Variants in TAFA1 observed in about 807,000 individuals in gnomAD.
TAFA1 encodes chemokine-like protein TAFA-1.
Under a neutral mutation model 18.5 loss-of-function variants are expected in TAFA1, and 4 were observed. The observed-to-expected ratio is 0.22, with a 90% CI of 0.11 to 0.49. The LOEUF is 0.49. TAFA1 is among the 20% of genes least tolerant of loss of function. TAFA1 has a pLI of 0.98. For missense variants in TAFA1, 147 were observed against 169.0 expected (o/e 0.87, Z 0.72); for synonymous variants, 56 against 55.2 (o/e 1.01, Z -0.06).
At chr3:68,443,435 C>G (rs1006666346) in intron 3 of TAFA1, among the ~76,000 whole-genome samples, 16 of 142,534 alleles carry the variant, frequency 1.1e-4, no homozygotes, top group African/African-American at 4.0e-4. Context: ...TTTGTTTTCA[C>G]GCTGCTGATA....
At chr3:68,305,226 TG>T (rs2068381868) in intron 2 of TAFA1, among the ~76,000 whole-genome samples, 1 of 144,120 alleles carries the variant, frequency 6.9e-6, no homozygotes, top group Non-Finnish European at 1.5e-5. Flanking sequence ...TTTTCCCATA[TG>T]TTTTTTTTCC....
intron 3 of TAFA1, among the ~76,000 whole-genome samples, chr3:68,437,323 G>T (rs929184944): frequency 6.6e-6 from 1 of 152,164 alleles, no homozygotes; most frequent in Non-Finnish European, 1.5e-5. Context: ...TCTACATAAA[G>T]AGAATATAGT....
intron 2 of TAFA1, among the ~76,000 whole-genome samples, chr3:68,181,093 A>G (rs955811231): frequency 7.2e-5 from 11 of 152,226 alleles, no homozygotes; most frequent in African/African-American, 2.2e-4. Context: ...CCAACAAACT[A>G]CAAGGAACTG....
intron 2 of TAFA1, among the ~76,000 whole-genome samples, chr3:68,227,097 A>G (rs2066810416): frequency 6.6e-6 from 1 of 152,224 alleles, no homozygotes; most frequent in Non-Finnish European, 1.5e-5. Flanking sequence ...CCAAGAGTCA[A>G]GCAGTCATTG....
At chr3:68,276,993 C>T (rs956550936) in intron 2 of TAFA1, among the ~76,000 whole-genome samples, 8 of 151,964 alleles carry the variant, frequency 5.3e-5, no homozygotes, top group African/African-American at 1.9e-4. Flanking sequence ...CATCTATAAT[C>T]CCACAATTGA....
At chr3:68,116,475 C>T (rs532427546) in intron 2 of TAFA1, among the ~76,000 whole-genome samples, 82 of 152,250 alleles carry the variant, frequency 5.4e-4, no homozygotes, top group Non-Finnish European at 1.1e-3. Flanking sequence ...ATTCATTCAA[C>T]TTCGCTATTT....
At chr3:68,383,961 G>A (rs971263116) in intron 2 of TAFA1, among the ~76,000 whole-genome samples, 1 of 151,942 alleles carries the variant, frequency 6.6e-6, no homozygotes, top group Non-Finnish European at 1.5e-5. Flanking sequence ...TAGTTTATGT[G>A]CATAGAGGTA....
At chr3:68,184,068 A>AG (rs2066240161) in intron 2 of TAFA1, among the ~76,000 whole-genome samples, 1 of 152,164 alleles carries the variant, frequency 6.6e-6, no homozygotes, top group Admixed American at 6.5e-5. Context: ...ACTAACATTA[A>AG]GCTGCTTTTC....
chr3:68,246,028 T>A (rs781148761), intron 2 of TAFA1, among the ~76,000 whole-genome samples: 1 of 152,142 alleles, frequency 6.6e-6, no homozygotes, highest in Non-Finnish European at 1.5e-5. Flanking sequence ...GTGTGTTTTG[T>A]TCCCTGCTCT....
At chr3:68,212,016 A>G (rs1365846543) in intron 2 of TAFA1, among the ~76,000 whole-genome samples, 1 of 152,052 alleles carries the variant, frequency 6.6e-6, no homozygotes, top group Non-Finnish European at 1.5e-5. Context: ...ATAGACTGCC[A>G]TGAGCTTCAT....
chr3:68,426,563 T>C (rs2071058119), intron 3 of TAFA1, among the ~76,000 whole-genome samples: 1 of 151,884 alleles, frequency 6.6e-6, no homozygotes, highest in African/African-American at 2.4e-5. Context: ...TGAACTACAG[T>C]GTTTCATCAA....
chr3:68,532,517 A>G (rs2073206085), intron 3 of TAFA1, among the ~76,000 whole-genome samples: 1 of 152,140 alleles, frequency 6.6e-6, no homozygotes. Flanking sequence ...TTAGATACAA[A>G]TCATCCCCAA....
At chr3:68,335,047 A>G (rs1367993028) in intron 2 of TAFA1, among the ~76,000 whole-genome samples, 1 of 152,190 alleles carries the variant, frequency 6.6e-6, no homozygotes, top group Non-Finnish European at 1.5e-5. Flanking sequence ...TGTCAAGGTG[A>G]TTGTGCATGG....
intron 2 of TAFA1, among the ~76,000 whole-genome samples, chr3:68,136,459 A>G (rs570723963): frequency 2.2e-4 from 33 of 152,294 alleles, no homozygotes; most frequent in Non-Finnish European, 3.7e-4. Context: ...TATTTATATT[A>G]GTGGGGACAG....
intron 2 of TAFA1, among the ~76,000 whole-genome samples, chr3:68,220,879 A>G (rs1175848192): frequency 6.6e-6 from 1 of 152,050 alleles, no homozygotes; most frequent in African/African-American, 2.4e-5. Context: ...TCCCTATCAG[A>G]CTCATCCTCA....
chr3:68,082,642 G>T (rs2064919652), intron 2 of TAFA1, among the ~76,000 whole-genome samples: 1 of 152,184 alleles, frequency 6.6e-6, no homozygotes, highest in African/African-American at 2.4e-5. Flanking sequence ...TGCTGTTGCT[G>T]TTGATCATGA....
chr3:68,348,118 C>G (rs550266092), intron 2 of TAFA1, among the ~76,000 whole-genome samples: 1 of 152,118 alleles, frequency 6.6e-6, no homozygotes, highest in African/African-American at 2.4e-5. Context: ...GTGCCACCCA[C>G]GGGAGCTTTT....
chr3:68,063,199 G>A (rs1257571561), intron 2 of TAFA1, among the ~76,000 whole-genome samples: 1 of 152,160 alleles, frequency 6.6e-6, no homozygotes, highest in Non-Finnish European at 1.5e-5. Context: ...AAGGAAAAGT[G>A]TGAATCAAAG....
intron 2 of TAFA1, among the ~76,000 whole-genome samples, chr3:68,111,140 C>T (rs994190393): frequency 6.6e-6 from 1 of 152,128 alleles, no homozygotes; most frequent in Non-Finnish European, 1.5e-5. Context: ...TTACAAGCAA[C>T]ATTTAAAATA....
Sources: gnomAD v4.1 joint callset for allele counts (sites outside exome capture counted in the v4.1 genomes callset) on GRCh38, gnomAD v4.1.1 for gene constraint, MANE v1.5 for transcripts, NCBI Gene and HGNC (gene_info 2026-07-23, HGNC 2026-07-21) for gene names.